Variants in FAM118B observed in about 807,000 individuals in gnomAD.
FAM118B encodes the protein protein FAM118B.
In FAM118B, 24 loss-of-function variants were observed where a neutral mutation model predicts 38.5. The ratio of observed to expected loss-of-function variants is 0.62; its 90% CI spans 0.45 to 0.88. The LOEUF (loss-of-function observed/expected upper bound fraction) is 0.88, where lower values mean the gene tolerates loss of function less well. Ranked by LOEUF, FAM118B falls within the 40% of genes least tolerant of loss-of-function variation. The pLI is 0.00. For missense variants in FAM118B, 334 were observed against 420.0 expected, an observed-to-expected ratio of 0.80 and a Z score of 1.79; for synonymous variants, 138 against 156.3, an observed-to-expected ratio of 0.88 and a Z score of 0.87.
At position 126,259,488 on chromosome 11, in the gene FAM118B, C is replaced by T. The variant is rs899879899; in HGVS notation, c.983-1937C>T. Among the ~76,000 whole-genome samples, 4 of 148,350 alleles carry T rather than the reference C, an allele frequency of 2.7e-5. No homozygotes were observed. In the East Asian group the frequency reaches 6.1e-4, roughly 22 times the overall value. ...GACGCCAGGCTGGAGTGCAGTGGCA[C>T]AATCTCGGCTCACTGCAACCCCCGC... is the stretch of plus-strand genomic sequence containing the variant. On this transcript the variant is annotated intron_variant, in intron 7 of 8. Coordinates refer to ENST00000533050, the MANE Select transcript of FAM118B (RefSeq NM_024556.4).
intron 1 of FAM118B, among the ~76,000 whole-genome samples, chr11:126,220,026 C>T (rs545217000): frequency 2.0e-3 from 298 of 152,190 alleles, no homozygotes; most frequent in Non-Finnish European, 2.0e-3. Flanking sequence ...TTGATATGAA[C>T]ATGAACCCAA....
At chr11:126,258,749 T>A (rs1950621991) in intron 7 of FAM118B, among the ~76,000 whole-genome samples, 1 of 152,232 alleles carries the variant, frequency 6.6e-6, no homozygotes, top group Non-Finnish European at 1.5e-5. Flanking sequence ...TCTACATATT[T>A]CTTTTGATCT....
chr11:126,221,816 G>C (rs1467367962), intron 1 of FAM118B, among the ~76,000 whole-genome samples: 1 of 152,142 alleles, frequency 6.6e-6, no homozygotes, highest in East Asian at 1.9e-4. Context: ...TTCAGTGTTG[G>C]GTGTTTCAGG....
rs143894671 is a variant in FAM118B at position 126,262,174 on chromosome 11, G to C, written c.*41G>C. The C allele has an allele frequency of 7.2e-5, 115 of 1,606,638 alleles. No individual in the cohort carries two copies. In the African/African-American group the frequency reaches 1.3e-3, roughly 18 times the overall value. On this transcript the variant is annotated 3_prime_UTR_variant, in exon 9 of 9. Coordinates refer to ENST00000533050, the MANE Select transcript of FAM118B (RefSeq NM_024556.4). The stretch of plus-strand genomic sequence containing the variant: ...CACCACCGTTTAGACCAAGCTGTAA[G>C]GCCCTACTACAGACAGTGTTTAACA...
chr11:126,261,541 C>T, intron 8 of FAM118B, 57 bp downstream of exon 8: 2 of 1,433,900 alleles, frequency 1.4e-6, no homozygotes, highest in East Asian at 2.3e-5. Flanking sequence ...CTTTCTAGGT[C>T]CTTGGTTAAG....
intron 3 of FAM118B, among the ~76,000 whole-genome samples, chr11:126,235,982 A>C (rs1474389237): frequency 6.7e-6 from 1 of 150,122 alleles, no homozygotes; most frequent in Non-Finnish European, 1.5e-5. Context: ...ATGTATTCTC[A>C]CATGCTCTGA....
intron 8 of FAM118B, 22 bp downstream of exon 8, chr11:126,261,506 T>C (rs1173472611): frequency 6.3e-7 from 1 of 1,591,286 alleles, no homozygotes; most frequent in Non-Finnish European, 8.6e-7. Flanking sequence ...CCTATTCTAC[T>C]ATTTATCACT....
intron 1 of FAM118B, among the ~76,000 whole-genome samples, chr11:126,214,935 T>TTA (rs1565322685): frequency 6.6e-6 from 1 of 152,218 alleles, no homozygotes; most frequent in Non-Finnish European, 1.5e-5. Flanking sequence ...TAAAGTTAAG[T>TTA]TACGCCTCCT....
chr11:126,251,586 G>C (rs966398385), intron 5 of FAM118B, among the ~76,000 whole-genome samples: 2 of 152,152 alleles, frequency 1.3e-5, no homozygotes, highest in African/African-American at 2.4e-5. Context: ...ATTCTGTATG[G>C]TCAGCTCCTT....
chr11:126,257,683 T>C (rs1565341276), intron 7 of FAM118B, among the ~76,000 whole-genome samples: 1 of 152,124 alleles, frequency 6.6e-6, no homozygotes, highest in Non-Finnish European at 1.5e-5. Flanking sequence ...TAGTAGGATT[T>C]AAAGTGTTGA....
intron 2 of FAM118B, among the ~76,000 whole-genome samples, chr11:126,234,484 C>A (rs1950245916): frequency 6.6e-6 from 1 of 152,208 alleles, no homozygotes; most frequent in South Asian, 2.1e-4. Context: ...GCTACAAGGT[C>A]ACCATCGTCC....
At chr11:126,223,957 T>A (rs1950103473) in intron 1 of FAM118B, among the ~76,000 whole-genome samples, 1 of 152,256 alleles carries the variant, frequency 6.6e-6, no homozygotes, top group African/African-American at 2.4e-5. Context: ...TACACAGTTT[T>A]CCCATTTGTT....
rs555937959 is a variant in FAM118B at position 126,221,055 on chromosome 11, C to T, written c.-76-8170C>T. ...TACAAAAATTAGCCAAACATGGTGGCGTGGGCCTGTAATCCCAGCTACTTG... is the reference window on the plus strand; with the variant it reads ...TACAAAAATTAGCCAAACATGGTGGTGTGGGCCTGTAATCCCAGCTACTTG... On this transcript the variant is annotated intron_variant, in intron 1 of 8. Coordinates refer to ENST00000533050, the MANE Select transcript of FAM118B (RefSeq NM_024556.4). 1.6e-4 allele frequency among the ~76,000 whole-genome samples: 25 copies of T among 152,178 alleles called. No individual in the cohort carries two copies. The East Asian group carries it at 4.6e-3, about 28-fold the overall frequency.
At chr11:126,234,195 G>A (rs976124806) in intron 2 of FAM118B, among the ~76,000 whole-genome samples, 1 of 152,226 alleles carries the variant, frequency 6.6e-6, no homozygotes, top group African/African-American at 2.4e-5. Flanking sequence ...AACGGTGGTA[G>A]TATGTATTGT....
intron 2 of FAM118B, among the ~76,000 whole-genome samples, chr11:126,231,199 G>A (rs557989855): frequency 6.6e-6 from 1 of 152,246 alleles, no homozygotes; most frequent in African/African-American, 2.4e-5. Flanking sequence ...TTTCTCAGTG[G>A]CTTAGCAGTA....
At chr11:126,240,183 C>T (rs1166546618) in intron 3 of FAM118B, among the ~76,000 whole-genome samples, 2 of 152,082 alleles carry the variant, frequency 1.3e-5, no homozygotes, top group Admixed American at 1.3e-4. Context: ...GAATGTTTTT[C>T]ACTTTTTGTC....
At chr11:126,257,518 TAAAA>T (rs113938640) in intron 7 of FAM118B, among the ~76,000 whole-genome samples, 1 of 139,020 alleles carries the variant, frequency 7.2e-6, no homozygotes, top group Non-Finnish European at 1.6e-5. Context: ...TTCATTGCCA[TAAAA>T]AAAAAAGTTA....
At chr11:126,224,507 A>C (rs1950113505) in intron 1 of FAM118B, among the ~76,000 whole-genome samples, 1 of 148,238 alleles carries the variant, frequency 6.7e-6, no homozygotes, top group East Asian at 2.0e-4. Context: ...AAAAAAAATT[A>C]GTAGAGTCAT....
At chr11:126,241,904 A>G (rs775316317) in intron 4 of FAM118B, among the ~76,000 whole-genome samples, 3 of 151,312 alleles carry the variant, frequency 2.0e-5, no homozygotes, top group Non-Finnish European at 2.9e-5. Flanking sequence ...GGGCACCTGT[A>G]ATCCCAGCTG....
Sources: gnomAD v4.1 joint callset for allele counts (sites outside exome capture counted in the v4.1 genomes callset) on GRCh38, gnomAD v4.1.1 for gene constraint, MANE v1.5 for transcripts, NCBI Gene and HGNC (gene_info 2026-07-23, HGNC 2026-07-21) for gene names.